Variants in DHX37 observed in about 807,000 individuals in gnomAD.
DHX37 encodes the protein DEAH-box helicase 37.
In DHX37, 52 loss-of-function variants were observed where a neutral mutation model predicts 134.3. That is an observed-to-expected ratio of 0.39 (90% CI 0.31 to 0.49). The LOEUF (loss-of-function observed/expected upper bound fraction) is 0.49, where lower values mean the gene tolerates loss of function less well. Ranked by LOEUF, DHX37 falls within the 20% of genes least tolerant of loss-of-function variation. DHX37 has a pLI of 0.93. For synonymous variants in DHX37, 634 were observed against 670.7 expected, an observed-to-expected ratio of 0.95 and a Z score of 0.85; for missense variants, 1,344 against 1,580.8, an observed-to-expected ratio of 0.85 and a Z score of 2.54.
intron 16 of DHX37, among the ~76,000 whole-genome samples, chr12:124,957,359 AGCACTGGCTAG>A (rs1449039952): frequency 6.6e-6 from 1 of 152,196 alleles, no homozygotes; most frequent in Non-Finnish European, 1.5e-5. Flanking sequence ...ACACGTCCCA[AGCACTGGCTAG>A]GCACTGAGGG....
Position 124,980,765 on chromosome 12 carries a change from G to A in DHX37, c.463C>T (p.Arg155Cys), listed in dbSNP as rs1253029388. 5.8e-6 allele frequency: 9 copies of A among 1,557,170 alleles called. No homozygotes were observed. Among genetic ancestry groups the A allele is most frequent in the East Asian group, 2.4e-5 (1 of 41,686 alleles). The change falls in exon 4 of 27, where the codon CGC becomes TGC. Residue 155 changes from arginine (R) to cysteine (C), a missense_variant. Coordinates refer to ENST00000308736, the MANE Select transcript of DHX37 (RefSeq NM_032656.4). The surrounding 1 kb of genome is among the most constrained non-coding windows in gnomAD (Gnocchi z 5.3). Reference sequence around the variant, plus strand: ...TCCTCCTCCTCAGCTGAGGGCCAGCGGCGACGCTTCCGGTGGGCACCGCTG... The same window carrying A: ...TCCTCCTCCTCAGCTGAGGGCCAGCAGCGACGCTTCCGGTGGGCACCGCTG... Reference protein sequence around the residue: ...SLSGAHRKRRRWPSAEEEEEE... With the variant: ...SLSGAHRKRRCWPSAEEEEEE...
chr12:124,965,243 C>G (rs1231924574), intron 13 of DHX37, among the ~76,000 whole-genome samples: 1 of 152,232 alleles, frequency 6.6e-6, no homozygotes, highest in Non-Finnish European at 1.5e-5. Flanking sequence ...GCTGCACAAT[C>G]TCCTCCTCCA....
chr12:124,967,907 A>G (rs1264784245), intron 10 of DHX37, among the ~76,000 whole-genome samples: 1 of 151,932 alleles, frequency 6.6e-6, no homozygotes, highest in Non-Finnish European at 1.5e-5. Context: ...CATCTCTACT[A>G]AAATACAAAA....
intron 8 of DHX37, among the ~76,000 whole-genome samples, chr12:124,970,659 C>A (rs1417579038): frequency 6.6e-6 from 1 of 152,222 alleles, no homozygotes; most frequent in East Asian, 1.9e-4. Flanking sequence ...TCCTGCCTGC[C>A]ACCCTTGCTG....
At chr12:124,961,519 C>T (rs61570532) in intron 15 of DHX37, among the ~76,000 whole-genome samples, 6,508 of 152,278 alleles carry the variant, frequency 0.043, 482 homozygotes, top group African/African-American at 0.15. Context: ...ACCTCTGCCT[C>T]CCAGGTTCAA....
chr12:124,971,610 C>T (rs903651906), intron 7 of DHX37, among the ~76,000 whole-genome samples, 195 bp from the exon 8 acceptor site: 5 of 152,130 alleles, frequency 3.3e-5, no homozygotes, highest in Non-Finnish European at 7.4e-5. Context: ...GGGGTGGGGC[C>T]GTGGGCAGTT....
rs1424226391 is a variant in DHX37, at chr12:124,957,073, C to T, written c.2220G>A (p.Leu740=). ...SVEALLAAEE[L]LIALGALQPP... ...GTTGCAGGGCACCCAGTGCGATCAACAGCTCCTCGGCGGCAAGAAGGGCTT... is the reference window on the plus strand; with the variant it reads ...GTTGCAGGGCACCCAGTGCGATCAATAGCTCCTCGGCGGCAAGAAGGGCTT... The change falls in exon 17 of 27, where the codon CTG becomes CTA. Residue 740 remains leucine, a synonymous_variant. Coordinates refer to ENST00000308736, the MANE Select transcript of DHX37 (RefSeq NM_032656.4). 1.3e-6 allele frequency: 2 copies of T among 1,501,860 alleles called. No individual in the cohort carries two copies. Among genetic ancestry groups the T allele is most frequent in the Non-Finnish European group, 1.8e-6 (2 of 1,130,626 alleles). 93.0% of individuals were successfully genotyped at this position (1,501,860 alleles called of 1,614,324 possible). A position where few individuals can be genotyped will look rare whatever the true frequency, so the allele number is the denominator to read the frequency against.
rs1954065038 is a variant in DHX37, at chr12:124,955,072, C to T, written c.2454-861G>A. On this transcript the variant is annotated intron_variant, in intron 18 of 26. Coordinates refer to ENST00000308736, the MANE Select transcript of DHX37 (RefSeq NM_032656.4). ...GTGGGAGTCTTAGAGATGCTGGGAC[C>T]AGGAGATCTGGGCAGAGGCCAAGAC... Among the ~76,000 whole-genome samples the T allele has an allele frequency of 1.3e-5, 2 of 152,230 alleles. 1 individual carries two copies. The highest frequency in any genetic ancestry group is 2.9e-5 in the Non-Finnish European group (2 of 68,046).
intron 8 of DHX37, among the ~76,000 whole-genome samples, chr12:124,970,030 T>C (rs1017645750): frequency 1.3e-5 from 2 of 152,194 alleles, no homozygotes; most frequent in Non-Finnish European, 2.9e-5. Flanking sequence ...TGGAGTGCAG[T>C]GGCGCGATCG....
At chr12:124,950,852 G>T in intron 21 of DHX37, 48 bp from the exon 22 acceptor site, 1 of 1,526,976 alleles carries the variant, frequency 6.5e-7, no homozygotes, top group Non-Finnish European at 8.7e-7. Flanking sequence ...CCATGCCCAG[G>T]GGCTCCGCAT....
intron 15 of DHX37, among the ~76,000 whole-genome samples, chr12:124,963,120 A>C: frequency 6.6e-6 from 1 of 152,370 alleles, no homozygotes; most frequent in South Asian, 2.1e-4. Flanking sequence ...GCTGATGAAC[A>C]GACAAACAAA....
chr12:124,960,741 G>A (rs2135939485), intron 15 of DHX37, among the ~76,000 whole-genome samples: 1 of 152,316 alleles, frequency 6.6e-6, no homozygotes, highest in Non-Finnish European at 1.5e-5. Context: ...ATCACTTGAG[G>A]TCAGGAGTTC....
chr12:124,961,971 G>C (rs1452409736), intron 15 of DHX37, among the ~76,000 whole-genome samples: 1 of 150,300 alleles, frequency 6.7e-6, no homozygotes, highest in Non-Finnish European at 1.5e-5. Flanking sequence ...GGGGGTGGGT[G>C]AGGTAAGGGC....
chr12:124,950,188 G>A lies in DHX37; in HGVS notation c.3177C>T (p.Asp1059=). ...GGAACCGGGCAAAGTGCTTGTAGCGGTCAATCCCCTCTGGAAAATCCACCT... is the reference window on the plus strand; with the variant it reads ...GGAACCGGGCAAAGTGCTTGTAGCGATCAATCCCCTCTGGAAAATCCACCT... ...AIEVDFPEGI[D]RYKHFARFLL... The change falls in exon 24 of 27, where the codon GAC becomes GAT. Residue 1059 remains aspartate (D), a synonymous_variant. Coordinates refer to ENST00000308736, the MANE Select transcript of DHX37 (RefSeq NM_032656.4). The A allele has an allele frequency of 6.2e-7, 1 of 1,614,058 alleles. No homozygotes were observed. Among genetic ancestry groups the A allele is most frequent in the Non-Finnish European group, 8.5e-7 (1 of 1,180,044 alleles).
chr12:124,980,133 A>G lies in DHX37; in HGVS notation c.738+357T>C, dbSNP rs1954726599. On this transcript the variant is annotated intron_variant, in intron 4 of 26. Coordinates refer to ENST00000308736, the MANE Select transcript of DHX37 (RefSeq NM_032656.4). This position sits in a 1 kb window ranked among gnomAD's most constrained non-coding sequence, Gnocchi z 5.3. ...ATGCGCGGGAAGTGAGCTGGAGAGC[A>G]GGGGAATCAGCACTTGATTTCGGGT... Among the ~76,000 whole-genome samples, 2 of 152,242 alleles carry G rather than the reference A, an allele frequency of 1.3e-5. No homozygotes were observed. The highest frequency in any genetic ancestry group is 4.1e-4 in the South Asian group (2 of 4,834).
In DHX37 at chr12:124,964,966, C is replaced by A. The variant is rs374832286; in HGVS notation, c.1776G>T (p.Pro592=). Residue 592 remains proline, a synonymous_variant, in exon 14 of 27, where the codon CCG becomes CCT. Coordinates refer to ENST00000308736, the MANE Select transcript of DHX37 (RefSeq NM_032656.4). ...PDASLPLHVL[P]LYSLLAPEKQ... ...TCTCTGGGGCCAGCAGAGAGTACAGCGGGAGCACGTGGAGCGGGAGGGAGG... is the reference window on the plus strand; with the variant it reads ...TCTCTGGGGCCAGCAGAGAGTACAGAGGGAGCACGTGGAGCGGGAGGGAGG... 9 of 1,599,200 alleles carry A rather than the reference C, an allele frequency of 5.6e-6. No homozygotes were observed. The highest frequency in any genetic ancestry group is 2.7e-5 in the African/African-American group (2 of 74,880).
Position 124,948,092 on chromosome 12 carries a change from T to C in DHX37, c.3380A>G (p.Asn1127Ser). ...GCCCTGGTCAAACTCACATTTGGGG[T>C]TTTTCTTCCAAGCAGCCAGCAAGGC... The part of the protein sequence containing the change: ...HEALLAAWKK[N>S]PKYLLAEYCE... The change falls in exon 26 of 27, where the codon AAC (asparagine) becomes AGC (serine). Residue 1127 changes from asparagine to serine, a missense_variant. Asn to Ser is a conservative substitution (Grantham distance 46). Coordinates refer to ENST00000308736, the MANE Select transcript of DHX37 (RefSeq NM_032656.4). 1 of 1,614,084 alleles carries C rather than the reference T, an allele frequency of 6.2e-7. No individual in the cohort carries two copies.
At position 124,947,338 on chromosome 12, in the gene DHX37, A is replaced by G. The variant is rs3803144; in HGVS notation, c.*464T>C. 0.2 allele frequency: 30,447 copies of G among 154,088 alleles called. 3,874 individuals are homozygous for G. Among genetic ancestry groups the G allele is most frequent in the African/African-American group, 0.37 (15,191 of 41,550 alleles). The allele number at this position is 154,088 out of a possible 1,614,324, so 9.5% of individuals were successfully genotyped here. Reference sequence around the variant, plus strand: ...GCCCCTCAAGGTCAACACAGAGCTCAGTGGCTCACCTAACATCTGGGACGG... The same window carrying G: ...GCCCCTCAAGGTCAACACAGAGCTCGGTGGCTCACCTAACATCTGGGACGG... On this transcript the variant is annotated 3_prime_UTR_variant, in exon 27 of 27. Coordinates refer to ENST00000308736, the MANE Select transcript of DHX37 (RefSeq NM_032656.4).
intron 3 of DHX37, 69 bp downstream of exon 3, chr12:124,982,442 A>C: frequency 6.3e-7 from 1 of 1,589,556 alleles, no homozygotes; most frequent in Non-Finnish European, 8.6e-7. Context: ...AGAGGACCCC[A>C]TAACCTGTGC....
Sources: gnomAD v4.1 joint callset for allele counts (sites outside exome capture counted in the v4.1 genomes callset) on GRCh38, gnomAD v4.1.1 for gene constraint, Gnocchi (gnomAD v3.1) non-coding constraint, MANE v1.5 for transcripts, NCBI Gene and HGNC (gene_info 2026-07-23, HGNC 2026-07-21) for gene names.